The following TRIM56 variants were observed in gnomAD, a reference collection of about 807,000 sequenced individuals.
TRIM56 encodes E3 ubiquitin-protein ligase TRIM56.
A neutral mutation model predicts 17.1 loss-of-function variants in TRIM56; 10 were observed. The ratio of observed to expected loss-of-function variants is 0.58; its 90% CI spans 0.36 to 0.99. The LOEUF is 0.99. TRIM56 is among the 50% of genes least tolerant of loss of function. The pLI is 0.01. For missense variants in TRIM56, 923 were observed against 1,052.3 expected (o/e 0.88, Z 1.70); for synonymous variants, 503 against 473.5 (o/e 1.06, Z -0.81).
At position 101,094,656 on chromosome 7, in the gene TRIM56, G is replaced by A. The variant is rs1448039597; in HGVS notation, c.*5076G>A. 6.6e-6 allele frequency: 1 copy of A among 152,158 alleles called. No homozygotes were observed. Among genetic ancestry groups the A allele is most frequent in the African/African-American group, 2.4e-5 (1 of 41,424 alleles). 9.4% of individuals were successfully genotyped at this position (152,158 alleles called of 1,614,324 possible). Reference sequence around the variant, plus strand: ...GTGGCAGTCCAAGGAACCGCTCTGGGAAGGTTTGCAAAGGTCGGGGTCCCC... The same window carrying A: ...GTGGCAGTCCAAGGAACCGCTCTGGAAAGGTTTGCAAAGGTCGGGGTCCCC... On this transcript the variant is annotated 3_prime_UTR_variant, in exon 3 of 3. Coordinates refer to ENST00000306085, the MANE Select transcript of TRIM56 (RefSeq NM_030961.3).
intron 1 of TRIM56, among the ~76,000 whole-genome samples, chr7:101,086,002 T>C (rs117289667): frequency 0.016 from 2,464 of 152,272 alleles, 40 homozygotes; most frequent in Middle Eastern, 0.024. Flanking sequence ...GGACCAGCCC[T>C]TCCCCTAGCG....
At position 101,089,588 on chromosome 7, in the gene TRIM56, A is replaced by T; in HGVS notation, c.*8A>T. 4 of 1,605,634 alleles carry T rather than the reference A, an allele frequency of 2.5e-6. No homozygotes were observed. Among genetic ancestry groups the T allele is most frequent in the Non-Finnish European group, 3.4e-6 (4 of 1,173,826 alleles). ...CGTTCTCCGGACAGTTAAAGGGGCT[A>T]GGACTAGGGTGAGAGGGAGTGGGGA... On this transcript the variant is annotated 3_prime_UTR_variant, in exon 3 of 3. Coordinates refer to ENST00000306085, the MANE Select transcript of TRIM56 (RefSeq NM_030961.3).
chr7:101,089,310 G>C lies in TRIM56; in HGVS notation c.1998G>C (p.Gln666His). The C allele has an allele frequency of 6.2e-7, 1 of 1,603,318 alleles. No individual in the cohort carries two copies. The highest frequency in any genetic ancestry group is 8.5e-7 in the Non-Finnish European group (1 of 1,172,106). The change falls in exon 3 of 3, where the codon CAG becomes CAC. Residue 666 changes from glutamine (Q) to histidine (H), a missense_variant. Gln to His is a conservative substitution (Grantham distance 24). Transcript: ENST00000306085. Reference protein sequence around the residue: ...NSVVICDGLGQVVGEYKGPGL... With the variant: ...NSVVICDGLGHVVGEYKGPGL... ...TGGTAATCTGTGATGGGCTGGGCCA[G>C]GTGGTTGGGGAGTACAAGGGGCCAG...
Position 101,091,121 on chromosome 7 carries a change from G to C in TRIM56, c.*1541G>C, listed in dbSNP as rs1795557623. On this transcript the variant is annotated 3_prime_UTR_variant, in exon 3 of 3. Coordinates refer to ENST00000306085, the MANE Select transcript of TRIM56 (RefSeq NM_030961.3). ...CTGTGACCACCGGACCTTTTCATAAGTGGTGGCAGTGGTAGAATTGAGGGG... is the reference window on the plus strand; with the variant it reads ...CTGTGACCACCGGACCTTTTCATAACTGGTGGCAGTGGTAGAATTGAGGGG... 1 of 152,310 alleles carries C rather than the reference G, an allele frequency of 6.6e-6. No homozygotes were observed. The highest frequency in any genetic ancestry group is 2.4e-5 in the African/African-American group (1 of 41,456). The allele number at this position is 152,310 out of a possible 1,614,324, so 9.4% of individuals were successfully genotyped here.
At position 101,088,857 on chromosome 7, in the gene TRIM56, C is replaced by G. The variant is rs1795508729; in HGVS notation, c.1545C>G (p.Pro515=). The change falls in exon 3 of 3, where the codon CCC becomes CCG. Residue 515 remains proline, a synonymous_variant. Coordinates refer to ENST00000306085, the MANE Select transcript of TRIM56 (RefSeq NM_030961.3). Reference sequence around the variant, plus strand: ...CCCCCCGGATCACCGGGCTCTGTCCCTTCGGTCCCCGGGAGATCCTGGTGG... The same window carrying G: ...CCCCCCGGATCACCGGGCTCTGTCCGTTCGGTCCCCGGGAGATCCTGGTGG... The part of the protein sequence containing the change: ...KRSPRITGLC[P]FGPREILVAD... The G allele has an allele frequency of 6.2e-7, 1 of 1,613,782 alleles. No homozygotes were observed. The highest frequency in any genetic ancestry group is 8.5e-7 in the Non-Finnish European group (1 of 1,180,048).
In TRIM56 at chr7:101,089,460, G is replaced by C. The variant is rs751124685; in HGVS notation, c.2148G>C (p.Leu716=). ...AGGGGTCCCTCCTTGGAGACTTCCT[G>C]ACAGCCTACCACGGCCTGGAAAAGC... is the stretch of plus-strand genomic sequence containing the variant. ...DPKGSLLGDF[L]TAYHGLEKPR... Residue 716 remains leucine, a synonymous_variant, in exon 3 of 3, where the codon CTG becomes CTC. Coordinates refer to ENST00000306085, the MANE Select transcript of TRIM56 (RefSeq NM_030961.3). 2 of 1,614,252 alleles carry C rather than the reference G, an allele frequency of 1.2e-6. No homozygotes were observed. The highest frequency in any genetic ancestry group is 1.7e-6 in the Non-Finnish European group (2 of 1,180,050).
Position 101,095,921 on chromosome 7 carries a change from A to G in TRIM56, c.*6341A>G, listed in dbSNP as rs1795647009. 2 of 152,130 alleles carry G rather than the reference A, an allele frequency of 1.3e-5. No homozygotes were observed. Among genetic ancestry groups the G allele is most frequent in the South Asian group, 2.1e-4 (1 of 4,826 alleles). The allele number at this position is 152,130 out of a possible 1,614,324, so 9.4% of individuals were successfully genotyped here. The stretch of plus-strand genomic sequence containing the variant: ...ATATCGCAGATACAAAGAGACCAGG[A>G]ACACGCTTGTAATCACAGCACTTAG... On this transcript the variant is annotated 3_prime_UTR_variant, in exon 3 of 3. Transcript: ENST00000306085.
chr7:101,088,240 C>A lies in TRIM56; in HGVS notation c.928C>A (p.Arg310Ser). The A allele has an allele frequency of 6.8e-7, 1 of 1,468,550 alleles. No individual in the cohort carries two copies. The highest frequency in any genetic ancestry group is 1.4e-5 in the South Asian group (1 of 72,184). The allele number at this position is 1,468,550 out of a possible 1,614,324, so 91.0% of individuals were successfully genotyped here. A position where few individuals can be genotyped will look rare whatever the true frequency, so the allele number is the denominator to read the frequency against. ...GGCCAGGGCCGCAGCCGCCTTCGCC[C>A]GCCGGGTACTCAGCCTGGGGCGAGA... ...QVARAAAAFA[R>S]RVLSLGREAE... The change falls in exon 3 of 3, where the codon CGC becomes AGC. Residue 310 changes from arginine to serine, a missense_variant. By Grantham distance (110) the Arg-to-Ser change is moderately radical. Coordinates refer to ENST00000306085, the MANE Select transcript of TRIM56 (RefSeq NM_030961.3).
rs776790220 is a variant in TRIM56, at chr7:101,093,909, G to A, written c.*4329G>A. 14 of 152,276 alleles carry A rather than the reference G, an allele frequency of 9.2e-5. No homozygotes were observed. Among genetic ancestry groups the A allele is most frequent in the East Asian group, 7.7e-4 (4 of 5,188 alleles). The allele number at this position is 152,276 out of a possible 1,614,324, so 9.4% of individuals were successfully genotyped here. On this transcript the variant is annotated 3_prime_UTR_variant, in exon 3 of 3. Transcript: ENST00000306085. ...TAAATAAATGGGTGAGAAATCTTGC[G>A]GAGAAATAGACTCCTGGCACTATAA...
In TRIM56 at chr7:101,089,767, A is replaced by T; in HGVS notation, c.*187A>T. 1.8e-6 allele frequency: 1 copy of T among 567,892 alleles called. No homozygotes were observed. The highest frequency in any genetic ancestry group is 3.1e-6 in the Non-Finnish European group (1 of 318,940). The allele number at this position is 567,892 out of a possible 1,614,324, so 35.2% of individuals were successfully genotyped here. On this transcript the variant is annotated 3_prime_UTR_variant, in exon 3 of 3. Transcript: ENST00000306085. Reference sequence around the variant, plus strand: ...GAATAGGGACCAAGGTGGTGGCGTGACCTTAACTCTCAGAAGCAGAGGAGG... The same window carrying T: ...GAATAGGGACCAAGGTGGTGGCGTGTCCTTAACTCTCAGAAGCAGAGGAGG...
rs757136711 is a variant in TRIM56, at chr7:101,089,244, C to T, written c.1932C>T (p.Pro644=). ...LRALVFLTTS[P]QGHFVGSDWQ... ...CGCTGGTGTTTCTGACCACCAGCCC[C>T]CAGGGGCATTTCGTGGGGTCGGACT... Residue 644 remains proline, a synonymous_variant, in exon 3 of 3, where the codon CCC becomes CCT. Transcript: ENST00000306085. 13 of 1,612,738 alleles carry T rather than the reference C, an allele frequency of 8.1e-6. No homozygotes were observed. Among genetic ancestry groups the T allele is most frequent in the African/African-American group, 5.3e-5 (4 of 74,920 alleles).
rs760875646 is a variant in TRIM56 at position 101,087,551 on chromosome 7, A to G, written c.239A>G (p.Asn80Ser). Reference protein sequence around the residue: ...VASFKTNFFVNGLLDLVKARA... With the variant: ...VASFKTNFFVSGLLDLVKARA... ...TCCTTCAAGACCAACTTCTTCGTCA[A>G]TGGGCTGCTGGACCTGGTGAAGGCC... Residue 80 changes from asparagine (N) to serine (S), a missense_variant, in exon 3 of 3, where the codon AAT becomes AGT. Asn to Ser is a conservative substitution (Grantham distance 46). Coordinates refer to ENST00000306085, the MANE Select transcript of TRIM56 (RefSeq NM_030961.3). 25 of 1,612,976 alleles carry G rather than the reference A, an allele frequency of 1.5e-5. No homozygotes were observed. Among genetic ancestry groups the G allele is most frequent in the African/African-American group, 2.7e-5 (2 of 74,912 alleles).
rs1259410264 is a variant in TRIM56, at chr7:101,097,043, T to C, written c.*7463T>C. On this transcript the variant is annotated 3_prime_UTR_variant, in exon 3 of 3. Coordinates refer to ENST00000306085, the MANE Select transcript of TRIM56 (RefSeq NM_030961.3). ...AAATATCATTTGGAAAGGGAGTAGC[T>C]CTCCTTCTATTTTAGCCTTATTATT... is the stretch of plus-strand genomic sequence containing the variant. 1 of 152,174 alleles carries C rather than the reference T, an allele frequency of 6.6e-6. No individual in the cohort carries two copies. The highest frequency in any genetic ancestry group is 2.4e-5 in the African/African-American group (1 of 41,436). 9.4% of individuals were successfully genotyped at this position (152,174 alleles called of 1,614,324 possible).
In TRIM56 at chr7:101,087,454, C is replaced by G. The variant is rs1028073330; in HGVS notation, c.142C>G (p.Leu48Val). Residue 48 changes from leucine to valine, a missense_variant, in exon 3 of 3, where the codon CTG becomes GTG. Around this residue, in one of 3 missense-constraint regions of TRIM56, gnomAD observed 98 missense variants for 143.6 expected, o/e 0.68. Transcript: ENST00000306085. ...CTACTGCCAAGACTGCCTGGCACAG[C>G]TGGCGGATGGCGGCCGCGTCCGCTG... ...HTYCQDCLAQ[L>V]ADGGRVRCPE... 6.2e-7 allele frequency: 1 copy of G among 1,613,378 alleles called. No homozygotes were observed. The highest frequency in any genetic ancestry group is 8.5e-7 in the Non-Finnish European group (1 of 1,180,000).
chr7:101,089,491 G>C lies in TRIM56; in HGVS notation c.2179G>C (p.Val727Leu). The C allele has an allele frequency of 2.5e-6, 4 of 1,614,252 alleles. No homozygotes were observed. Among genetic ancestry groups the C allele is most frequent in the Non-Finnish European group, 3.4e-6 (4 of 1,180,044 alleles). ...TAYHGLEKPR[V>L]TTMVDGRYLV... is the part of the protein sequence containing the mutation. ...CTACCACGGCCTGGAAAAGCCCCGG[G>C]TTACCACCATGGTGGATGGCAGGTA... The change falls in exon 3 of 3, where the codon GTT (valine) becomes CTT (leucine). Residue 727 changes from valine (V) to leucine (L), a missense_variant. By Grantham distance (32) the Val-to-Leu change is conservative (BLOSUM62 1). Around this residue, in one of 3 missense-constraint regions of TRIM56, gnomAD observed 182 missense variants for 243.1 expected, o/e 0.75. Transcript: ENST00000306085.
chr7:101,091,625 G>T lies in TRIM56; in HGVS notation c.*2045G>T, dbSNP rs1248920291. On this transcript the variant is annotated 3_prime_UTR_variant, in exon 3 of 3. Coordinates refer to ENST00000306085, the MANE Select transcript of TRIM56 (RefSeq NM_030961.3). ...GTCTGTAATCCCAGCTACTTGGGAG[G>T]CTGAGGCAGGAGAATCATTTGAACC... is the stretch of plus-strand genomic sequence containing the variant. The T allele has an allele frequency of 1.8e-5, 7 of 397,204 alleles. No individual in the cohort carries two copies. The East Asian group carries it at 5.3e-4, about 30-fold the overall frequency. 24.6% of individuals were successfully genotyped at this position (397,204 alleles called of 1,614,324 possible). A position where few individuals can be genotyped will look rare whatever the true frequency, so the allele number is the denominator to read the frequency against.
rs1251542485 is a variant in TRIM56, at chr7:101,087,567, G to A, written c.255G>A (p.Leu85=). 6.2e-7 allele frequency: 1 copy of A among 1,613,016 alleles called. No homozygotes were observed. ...TCTTCGTCAATGGGCTGCTGGACCT[G>A]GTGAAGGCCCGGGCCTGTGGAGACC... The part of the protein sequence containing the change: ...TNFFVNGLLD[L]VKARACGDLR... The change falls in exon 3 of 3, where the codon CTG becomes CTA. Residue 85 remains leucine (L), a synonymous_variant. Transcript: ENST00000306085.
Position 101,087,656 on chromosome 7 carries a change from C to T in TRIM56, c.344C>T (p.Pro115Leu), listed in dbSNP as rs535424225. 20 of 1,605,466 alleles carry T rather than the reference C, an allele frequency of 1.2e-5. No homozygotes were observed. Among genetic ancestry groups the T allele is most frequent in the Admixed American group, 3.4e-5 (2 of 58,986 alleles). ...PLVGGTSTGG[P>L]ATARCLDCAD... ...GTGGGTGGCACCAGCACCGGGGGGCCGGCCACGGCCCGGTGCCTGGACTGT... is the reference window on the plus strand; with the variant it reads ...GTGGGTGGCACCAGCACCGGGGGGCTGGCCACGGCCCGGTGCCTGGACTGT... Residue 115 changes from proline to leucine, a missense_variant, in exon 3 of 3, where the codon CCG becomes CTG. Coordinates refer to ENST00000306085, the MANE Select transcript of TRIM56 (RefSeq NM_030961.3).
chr7:101,094,943 A>G lies in TRIM56; in HGVS notation c.*5363A>G, dbSNP rs28592167. On this transcript the variant is annotated 3_prime_UTR_variant, in exon 3 of 3. Transcript: ENST00000306085. The stretch of plus-strand genomic sequence containing the variant: ...TGTGAAGTGAATTACTATCTAGACA[A>G]GGATGAGACTGGTATGACTCTCCAA... 25,454 of 151,898 alleles carry G rather than the reference A, an allele frequency of 0.17. 3,442 individuals are homozygous for G. The highest frequency in any genetic ancestry group is 0.38 in the African/African-American group (15,701 of 41,310). 9.4% of individuals were successfully genotyped at this position (151,898 alleles called of 1,614,324 possible).
Sources: allele counts gnomAD v4.1 joint callset (sites outside exome capture counted in the v4.1 genomes callset), GRCh38; gene constraint gnomAD v4.1.1; regional missense constraint gnomAD v4.1.1; transcripts MANE v1.5; gene names NCBI Gene and HGNC (gene_info 2026-07-23, HGNC 2026-07-21).